The following PCDH19 variants were observed in gnomAD, a reference collection of about 807,000 sequenced individuals.
PCDH19 encodes protocadherin 19.
Under a neutral mutation model 46.2 loss-of-function variants are expected in PCDH19, and 6 were observed. That is an observed-to-expected ratio of 0.13 (90% CI 0.07 to 0.26). PCDH19 has a LOEUF of 0.26. Ranked by LOEUF, PCDH19 falls within the 10% of genes least tolerant of loss-of-function variation. PCDH19 has a pLI of 1.00. For missense variants in PCDH19, 740 were observed against 972.3 expected (o/e 0.76, Z 3.18); for synonymous variants, 481 against 415.7 (o/e 1.16, Z -1.91).
chrX:100,356,507 A>C (rs1019714365), intron 3 of PCDH19, among the ~76,000 whole-genome samples: 9 of 110,869 alleles, frequency 8.1e-5, no homozygotes, highest in African/African-American at 2.3e-4. Flanking sequence ...CCAACACATA[A>C]AAATGAATAT....
chrX:100,370,046 C>T (rs1178114047), intron 3 of PCDH19, among the ~76,000 whole-genome samples: 1 of 111,163 alleles, frequency 9.0e-6, no homozygotes, highest in Non-Finnish European at 1.9e-5. Flanking sequence ...CCAAAACGAC[C>T]ACCAGATAGG....
intron 5 of PCDH19, among the ~76,000 whole-genome samples, chrX:100,322,794 G>A (rs927816734): frequency 4.1e-4 from 38 of 92,418 alleles, no homozygotes; most frequent in Non-Finnish European, 6.9e-4. Flanking sequence ...AGTTTTCCTC[G>A]TAGAGGTGTT....
At chrX:100,359,718 T>C (rs868325375) in intron 3 of PCDH19, among the ~76,000 whole-genome samples, 15 of 110,996 alleles carry the variant, frequency 1.4e-4, no homozygotes, top group Admixed American at 4.8e-4. Flanking sequence ...CGAGAGCCCA[T>C]CTCTAATAAA....
In PCDH19 at chrX:100,407,566, C is replaced by G. The variant is rs1429555639; in HGVS notation, c.1032G>C (p.Pro344=). 2.5e-6 allele frequency: 3 copies of G among 1,209,995 alleles called. No individual in the cohort carries two copies. The highest frequency in any genetic ancestry group is 3.4e-6 in the Non-Finnish European group (3 of 895,131). The change falls in exon 1 of 6, where the codon CCG becomes CCC. Residue 344 remains proline, a synonymous_variant. Coordinates refer to ENST00000373034, the MANE Select transcript of PCDH19 (RefSeq NM_001184880.2). ...VSVLDTNDNP[P]VINLLSVNSE... Reference sequence around the variant, plus strand: ...TGTTGACTGACAGCAGGTTGATGACCGGCGGATTGTCATTGGTGTCCAGCA... The same window carrying G: ...TGTTGACTGACAGCAGGTTGATGACGGGCGGATTGTCATTGGTGTCCAGCA...
At chrX:100,298,217 T>C (rs1924676849) in intron 5 of PCDH19, among the ~76,000 whole-genome samples, 1 of 111,292 alleles carries the variant, frequency 9.0e-6, no homozygotes. Context: ...CTATGCCTCA[T>C]TCATCAAAGG....
intron 3 of PCDH19, among the ~76,000 whole-genome samples, chrX:100,381,670 A>T (rs370401813): frequency 4.4e-5 from 5 of 112,431 alleles, no homozygotes; most frequent in African/African-American, 1.6e-4. Flanking sequence ...AAGCAAGAAC[A>T]AAGTAGGGAG....
intron 5 of PCDH19, among the ~76,000 whole-genome samples, chrX:100,309,154 G>GCACACACACACA (rs55663829): frequency 0.026 from 2,143 of 81,703 alleles, 44 homozygotes; most frequent in African/African-American, 0.073. Context: ...TGTGATGCAT[G>GCACACACACACA]CACACACACA....
intron 3 of PCDH19, among the ~76,000 whole-genome samples, chrX:100,390,387 T>C (rs1927828133): frequency 8.9e-6 from 1 of 111,927 alleles, no homozygotes; most frequent in South Asian, 3.7e-4. Context: ...CTATAACCAC[T>C]ATAGAGCTAG....
chrX:100,375,191 C>T (rs776472922), intron 3 of PCDH19, among the ~76,000 whole-genome samples: 6 of 111,679 alleles, frequency 5.4e-5, no homozygotes, highest in African/African-American at 1.6e-4. Flanking sequence ...TATGTATACA[C>T]GTGCCATGTT....
chrX:100,409,709 T>TCCGCCGCCGCCGCCG lies in PCDH19; in HGVS notation c.-1127_-1113dup, dbSNP rs59564734. ...TTTGGGCTGGGGTGTCGCTCCAAGGTCCGCCGCCGCCGCCGCCGCCGCCGC... is the reference window on the plus strand; with the variant it reads ...TTTGGGCTGGGGTGTCGCTCCAAGGTCCGCCGCCGCCGCCGCCGCCGCCGCCGCCGCCGCCGCCGC... On this transcript the variant is annotated 5_prime_UTR_variant, in exon 1 of 6. Coordinates refer to ENST00000373034, the MANE Select transcript of PCDH19 (RefSeq NM_001184880.2). The TCCGCCGCCGCCGCCG allele has an allele frequency of 1.5e-4, 36 of 244,461 alleles. No homozygotes were observed. Among genetic ancestry groups the TCCGCCGCCGCCGCCG allele is most frequent in the Non-Finnish European group, 2.0e-4 (28 of 137,286 alleles). The allele number at this position is 244,461 out of a possible 1,213,427, so 20.1% of individuals were successfully genotyped here.
chrX:100,352,711 G>A (rs772745114), intron 3 of PCDH19, among the ~76,000 whole-genome samples: 7 of 111,260 alleles, frequency 6.3e-5, no homozygotes, highest in East Asian at 2.8e-4. Flanking sequence ...TTGCTGCTCC[G>A]GCCATGTGAT....
At chrX:100,375,997 G>A (rs1297476331) in intron 3 of PCDH19, among the ~76,000 whole-genome samples, 1 of 111,271 alleles carries the variant, frequency 9.0e-6, no homozygotes, top group Non-Finnish European at 1.9e-5. Context: ...AGCCCTTTGG[G>A]AGGCTAAGGT....
chrX:100,322,865 A>ATATATATATATATATATATATATTT, intron 5 of PCDH19, among the ~76,000 whole-genome samples: 1 of 54,418 alleles, frequency 1.8e-5, no homozygotes, highest in African/African-American at 8.4e-5. Context: ...ATATATATAT[A>ATATATATATATATATATATATATTT]TTTTTGCAGC....
chrX:100,393,863 A>T (rs950595645), intron 3 of PCDH19, among the ~76,000 whole-genome samples: 3 of 112,015 alleles, frequency 2.7e-5, no homozygotes, highest in African/African-American at 9.7e-5. Context: ...TTAAGCATCT[A>T]ACATTAAGAA....
chrX:100,333,108 GGGAGGGAAGGAA>G (rs1925930233), intron 5 of PCDH19, among the ~76,000 whole-genome samples: 3 of 64,959 alleles, frequency 4.6e-5, no homozygotes, highest in Admixed American at 2.1e-4. Flanking sequence ...GAAGGAAGGA[GGGAGGGAAGGAA>G]GGAAGGAAGG....
intron 3 of PCDH19, among the ~76,000 whole-genome samples, chrX:100,376,382 C>T (rs1449221519): frequency 9.0e-6 from 1 of 111,467 alleles, no homozygotes; most frequent in Non-Finnish European, 1.9e-5. Flanking sequence ...TCCACTTTGA[C>T]TTACTTTTGG....
At chrX:100,364,154 T>C (rs1381692667) in intron 3 of PCDH19, among the ~76,000 whole-genome samples, 3 of 108,970 alleles carry the variant, frequency 2.8e-5, no homozygotes, top group Admixed American at 9.9e-5. Flanking sequence ...TAATTCAGAG[T>C]TGTCGGCTGG....
chrX:100,306,237 A>G (rs187195359), intron 5 of PCDH19, among the ~76,000 whole-genome samples: 35 of 112,073 alleles, frequency 3.1e-4, no homozygotes, highest in Non-Finnish European at 5.5e-4. Flanking sequence ...CAGTGGAAAA[A>G]CTGGAAATCA....
At chrX:100,309,440 CT>C (rs1227089152) in intron 5 of PCDH19, among the ~76,000 whole-genome samples, 5 of 111,277 alleles carry the variant, frequency 4.5e-5, no homozygotes, top group African/African-American at 1.6e-4. Flanking sequence ...GTGTACACAT[CT>C]TGGGTGATGG....
Sources: allele counts gnomAD v4.1 joint callset (sites outside exome capture counted in the v4.1 genomes callset), GRCh38; gene constraint gnomAD v4.1.1; transcripts MANE v1.5; gene names NCBI Gene and HGNC (gene_info 2026-07-23, HGNC 2026-07-21).